CFTR: variants seen among roughly 807,000 people sequenced by gnomAD.
The protein encoded by CFTR is cystic fibrosis transmembrane conductance regulator.
In CFTR, 181 loss-of-function variants were observed where a neutral mutation model predicts 171.6. The ratio of observed to expected loss-of-function variants is 1.05; its 90% CI spans 0.93 to 1.19. The LOEUF (loss-of-function observed/expected upper bound fraction) is 1.19, where lower values mean the gene tolerates loss of function less well. Ranked by LOEUF, CFTR falls within the 50% of genes most tolerant of loss-of-function variation. The pLI is 0.00. For missense variants in CFTR, 1,968 were observed against 1,734.7 expected (o/e 1.13, Z -2.39); for synonymous variants, 583 against 608.0 (o/e 0.96, Z 0.60).
In CFTR at chr7:117,542,001, C is replaced by G; in HGVS notation, c.1117-15C>G. 7.7e-7 allele frequency: 1 copy of G among 1,303,640 alleles called. No individual in the cohort carries two copies. Among genetic ancestry groups the G allele is most frequent in the Non-Finnish European group, 1.1e-6 (1 of 898,066 alleles). 80.8% of individuals were successfully genotyped at this position (1,303,640 alleles called of 1,614,324 possible). A position where few individuals can be genotyped will look rare whatever the true frequency, so the allele number is the denominator to read the frequency against. ...TCTGATTCTATAATATGTTTTTGCT[C>G]TCTTTTATAAATAGGATTTCTTACA... On this transcript the variant is annotated splice_polypyrimidine_tract_variant and intron_variant, in intron 8 of 26. Coordinates refer to ENST00000003084, the MANE Select transcript of CFTR (RefSeq NM_000492.4).
chr7:117,544,559 T>G (rs1482347587), intron 9 of CFTR, among the ~76,000 whole-genome samples: 1 of 152,230 alleles, frequency 6.6e-6, no homozygotes, highest in Non-Finnish European at 1.5e-5. Context: ...GAGAAAGATG[T>G]ATACTTCTTC....
At chr7:117,506,339 T>C (rs2402204) in intron 2 of CFTR, among the ~76,000 whole-genome samples, 37,885 of 152,022 alleles carry the variant, frequency 0.25, 4,990 homozygotes, top group East Asian at 0.42. Flanking sequence ...CTTCGTCTCC[T>C]GGGTTCAAGT....
chr7:117,558,163 T>G (rs927549518), intron 10 of CFTR, among the ~76,000 whole-genome samples: 4 of 152,130 alleles, frequency 2.6e-5, no homozygotes, highest in Admixed American at 6.5e-5. Flanking sequence ...CTGTATTGTC[T>G]GTAGGCTATA....
At chr7:117,587,651 T>C in intron 11 of CFTR, 88 bp from the exon 12 acceptor site, 1 of 796,926 alleles carries the variant, frequency 1.3e-6, no homozygotes, top group Non-Finnish European at 2.2e-6. Context: ...TAGTGTGATA[T>C]ATGATTACAT....
chr7:117,528,034 C>T (rs1562888407), intron 3 of CFTR, among the ~76,000 whole-genome samples: 1 of 132,486 alleles, frequency 7.5e-6, no homozygotes. Flanking sequence ...CATATGGAAC[C>T]AAAAAAGAGC....
At chr7:117,518,954 A>T (rs969596332) in intron 3 of CFTR, among the ~76,000 whole-genome samples, 3 of 152,148 alleles carry the variant, frequency 2.0e-5, no homozygotes, top group African/African-American at 7.2e-5. Context: ...TTATTGTGTT[A>T]TCTGAACCAA....
intron 22 of CFTR, among the ~76,000 whole-genome samples, chr7:117,632,578 AAAAG>A (rs1482255523): frequency 7.1e-6 from 1 of 140,064 alleles, no homozygotes; most frequent in African/African-American, 2.5e-5. Context: ...AAGAAAAAGA[AAAAG>A]AAAAAAGAAA....
rs1191766717 is a variant in CFTR, at chr7:117,540,362, G to A, written c.1116+16G>A. ...CAAAATACAGGTAATGTACCATAATGCTGCATTATATACTATGATTTAAAT... is the reference window on the plus strand; with the variant it reads ...CAAAATACAGGTAATGTACCATAATACTGCATTATATACTATGATTTAAAT... On this transcript the variant is annotated intron_variant, in intron 8 of 26. Coordinates refer to ENST00000003084, the MANE Select transcript of CFTR (RefSeq NM_000492.4). 1 of 1,608,192 alleles carries A rather than the reference G, an allele frequency of 6.2e-7. No individual in the cohort carries two copies. The highest frequency in any genetic ancestry group is 1.3e-5 in the African/African-American group (1 of 74,794).
At chr7:117,647,291 G>T (rs1423154189) in intron 23 of CFTR, 2 of 151,720 alleles carry the variant, frequency 1.3e-5, no homozygotes, top group African/African-American at 2.4e-5. Flanking sequence ...TCCTTTCATT[G>T]CTATAAAGAA....
At chr7:117,575,083 A>G (rs1183246977) in intron 11 of CFTR, among the ~76,000 whole-genome samples, 1 of 152,114 alleles carries the variant, frequency 6.6e-6, no homozygotes, top group Non-Finnish European at 1.5e-5. Flanking sequence ...CACATATTCA[A>G]GAGACTTTTC....
chr7:117,516,905 T>G, intron 3 of CFTR, among the ~76,000 whole-genome samples: 1 of 152,174 alleles, frequency 6.6e-6, no homozygotes, highest in East Asian at 1.9e-4. Context: ...TCATCTCAAT[T>G]TCATTATTGT....
chr7:117,656,260 G>C (rs1339935403), intron 24 of CFTR, among the ~76,000 whole-genome samples: 1 of 152,128 alleles, frequency 6.6e-6, no homozygotes, highest in Admixed American at 6.6e-5. Flanking sequence ...GCTTTGGTTT[G>C]ACTTGATATA....
chr7:117,552,994 A>T (rs1030843546), intron 10 of CFTR, among the ~76,000 whole-genome samples: 16 of 152,128 alleles, frequency 1.1e-4, no homozygotes, highest in African/African-American at 3.6e-4. Context: ...TCTTTATAAA[A>T]GAAACCTTAG....
chr7:117,502,898 A>C (rs1798354847), intron 1 of CFTR, among the ~76,000 whole-genome samples: 1 of 152,352 alleles, frequency 6.6e-6, no homozygotes, highest in Admixed American at 6.5e-5. Flanking sequence ...TAATTGATGA[A>C]GTTACTTAAC....
At chr7:117,534,727 G>A (rs908919157) in intron 5 of CFTR, among the ~76,000 whole-genome samples, 1 of 152,076 alleles carries the variant, frequency 6.6e-6, no homozygotes, top group Non-Finnish European at 1.5e-5. Flanking sequence ...AAGGTCCTTG[G>A]GACAGATAAT....
chr7:117,645,573 A>G (rs1792985487), intron 23 of CFTR, among the ~76,000 whole-genome samples: 1 of 152,054 alleles, frequency 6.6e-6, no homozygotes. Flanking sequence ...CTTTTTTTCT[A>G]CTTCTACTGC....
At chr7:117,622,996 A>C (rs1387512230) in intron 21 of CFTR, among the ~76,000 whole-genome samples, 2 of 152,174 alleles carry the variant, frequency 1.3e-5, no homozygotes, top group African/African-American at 4.8e-5. Flanking sequence ...AAAGATAGTG[A>C]GGTCCAGTTT....
intron 1 of CFTR, among the ~76,000 whole-genome samples, chr7:117,499,347 C>CT (rs1325543402): frequency 2.0e-5 from 3 of 150,050 alleles, no homozygotes; most frequent in South Asian, 4.2e-4. Context: ...TTGGCAAGTT[C>CT]TTTTTTTATA....
In CFTR at chr7:117,611,653, A is replaced by G. The variant is rs121909037; in HGVS notation, c.3212A>G (p.Gln1071Arg). ...TGGACACTTCGTGCCTTCGGACGGCAGCCTTACTTTGAAACTCTGTTCCAC... is the reference window on the plus strand; with the variant it reads ...TGGACACTTCGTGCCTTCGGACGGCGGCCTTACTTTGAAACTCTGTTCCAC... ...GLWTLRAFGR[Q>R]PYFETLFHKA... is the part of the protein sequence containing the mutation. The change falls in exon 20 of 27, where the codon CAG becomes CGG. Residue 1071 changes from glutamine (Q) to arginine (R), a missense_variant. Gln to Arg is a conservative substitution (Grantham distance 43, BLOSUM62 1). Transcript: ENST00000003084. 7 of 1,613,522 alleles carry G rather than the reference A, an allele frequency of 4.3e-6. No individual in the cohort carries two copies. Among genetic ancestry groups the G allele is most frequent in the Admixed American group, 1.7e-5 (1 of 59,882 alleles).
Sources: allele counts gnomAD v4.1 joint callset (sites outside exome capture counted in the v4.1 genomes callset), GRCh38; gene constraint gnomAD v4.1.1; transcripts MANE v1.5; gene names NCBI Gene and HGNC (gene_info 2026-07-23, HGNC 2026-07-21).